SHANK2: variants seen among roughly 807,000 people sequenced by gnomAD.
The protein encoded by SHANK2 is SH3 and multiple ankyrin repeat domains 2, also known as SH3 and multiple ankyrin repeat domains protein 2.
In SHANK2, 43 loss-of-function variants were observed where a neutral mutation model predicts 133.7. The ratio of observed to expected loss-of-function variants is 0.32; its 90% CI spans 0.25 to 0.41. The LOEUF is 0.41. SHANK2 is among the 10% of genes least tolerant of loss of function. The pLI is 1.00. For synonymous variants in SHANK2, 1,017 were observed against 952.8 expected (o/e 1.07, Z -1.24); for missense variants, 1,994 against 2,235.8 (o/e 0.89, Z 2.18).
At chr11:70,713,983 G>A (rs1945855533) in intron 14 of SHANK2, among the ~76,000 whole-genome samples, 1 of 152,148 alleles carries the variant, frequency 6.6e-6, no homozygotes, top group South Asian at 2.1e-4. Flanking sequence ...AACTGCTTTG[G>A]CTCACTCAAC....
chr11:70,598,199 ACGAATGACTGAGGTCATTTGT>A (rs1325160010), intron 17 of SHANK2, among the ~76,000 whole-genome samples: 38 of 152,200 alleles, frequency 2.5e-4, no homozygotes, highest in African/African-American at 6.0e-4. Flanking sequence ...ATGGGGCGGG[ACGAATGACTGAGGTCATTTGT>A]CGAATGACCT....
chr11:71,177,074 A>G (rs1288861135), intron 2 of SHANK2, among the ~76,000 whole-genome samples: 1 of 152,240 alleles, frequency 6.6e-6, no homozygotes, highest in Non-Finnish European at 1.5e-5. Flanking sequence ...TCTTTAAACG[A>G]AAAAAGTCAA....
At chr11:70,919,092 A>C (rs1220680236) in intron 10 of SHANK2, among the ~76,000 whole-genome samples, 4 of 152,142 alleles carry the variant, frequency 2.6e-5, no homozygotes, top group Non-Finnish European at 4.4e-5. Flanking sequence ...GGATCCCAGG[A>C]GATCGAGGCT....
At position 71,182,688 on chromosome 11, in the gene SHANK2, A is replaced by T. The variant is rs77922059; in HGVS notation, c.-12-35350T>A. ...CAACTTGATCATCTGCAAAGTCCCT[A>T]TTTCCAAAGAAGGTCTCATTCTCAG... On this transcript the variant is annotated intron_variant, in intron 2 of 25. Transcript: ENST00000601538. Among the ~76,000 whole-genome samples, 903 of 152,182 alleles carry T rather than the reference A, an allele frequency of 5.9e-3. 11 individuals are homozygous for T. Among genetic ancestry groups the T allele is most frequent in the African/African-American group, 0.021 (863 of 41,496 alleles).
chr11:70,677,739 G>A (rs1483794536), intron 15 of SHANK2, among the ~76,000 whole-genome samples: 2 of 152,182 alleles, frequency 1.3e-5, no homozygotes, highest in Admixed American at 1.3e-4. Flanking sequence ...CCGGAAGCCA[G>A]GCTCCCCCTG....
chr11:71,203,203 T>C (rs1380117518), intron 2 of SHANK2, among the ~76,000 whole-genome samples: 1 of 152,142 alleles, frequency 6.6e-6, no homozygotes, highest in Non-Finnish European at 1.5e-5. Flanking sequence ...GCCCCAATTG[T>C]CTGCTGGAGA....
intron 17 of SHANK2, among the ~76,000 whole-genome samples, chr11:70,580,171 A>C (rs2060165249): frequency 6.6e-6 from 1 of 152,250 alleles, no homozygotes. Flanking sequence ...AAAGCCGTGG[A>C]CATCCACCAG....
intron 2 of SHANK2, among the ~76,000 whole-genome samples, chr11:71,177,682 T>C (rs1192505650): frequency 6.6e-6 from 1 of 152,190 alleles, no homozygotes; most frequent in African/African-American, 2.4e-5. Context: ...AATTTTTCCA[T>C]TAAATGTGAC....
intron 2 of SHANK2, among the ~76,000 whole-genome samples, chr11:71,161,798 C>T (rs72959517): frequency 0.2 from 31,163 of 152,244 alleles, 3,398 homozygotes; most frequent in South Asian, 0.28. Flanking sequence ...ACCTTGGGCA[C>T]ATGTTCTCAG....
chr11:70,904,493 G>C (rs1163379277), intron 10 of SHANK2, among the ~76,000 whole-genome samples: 1 of 146,342 alleles, frequency 6.8e-6, no homozygotes, highest in Non-Finnish European at 1.5e-5. Context: ...GGAGGGACCC[G>C]GTGGGAGATC....
intron 25 of SHANK2, among the ~76,000 whole-genome samples, chr11:70,476,554 C>T (rs2058667395): frequency 1.3e-5 from 2 of 152,004 alleles, no homozygotes; most frequent in Admixed American, 1.3e-4. Context: ...ACAATTAAGC[C>T]AAGATGATTG....
At chr11:70,608,734 C>T (rs1554993292) in intron 17 of SHANK2, among the ~76,000 whole-genome samples, 1 of 152,252 alleles carries the variant, frequency 6.6e-6, no homozygotes, top group Admixed American at 6.5e-5. Flanking sequence ...AACCCATTCA[C>T]AGCCGAAAGC....
intron 10 of SHANK2, among the ~76,000 whole-genome samples, chr11:70,953,474 G>C (rs1312391724): frequency 6.6e-6 from 1 of 152,086 alleles, no homozygotes; most frequent in Non-Finnish European, 1.5e-5. Flanking sequence ...GTCTGTGGTC[G>C]AAGGACCAAG....
intron 21 of SHANK2, among the ~76,000 whole-genome samples, chr11:70,498,047 C>T (rs2058996035): frequency 6.6e-6 from 1 of 152,246 alleles, no homozygotes; most frequent in African/African-American, 2.4e-5. Context: ...CTGCATGGGG[C>T]TGCTCCACCT....
At chr11:71,101,273 C>T (rs951052840) in intron 6 of SHANK2, among the ~76,000 whole-genome samples, 2 of 152,192 alleles carry the variant, frequency 1.3e-5, no homozygotes, top group African/African-American at 2.4e-5. Context: ...CCCTTACCCT[C>T]GCCACTCCCT....
At chr11:70,893,704 A>G (rs567189822) in intron 11 of SHANK2, among the ~76,000 whole-genome samples, 1 of 152,344 alleles carries the variant, frequency 6.6e-6, no homozygotes, top group South Asian at 2.1e-4. Flanking sequence ...ATGGGCAAGT[A>G]TAGATTTTCT....
rs782556547 is a variant in SHANK2 at position 70,798,489 on chromosome 11, C to T, written c.1731G>A (p.Ala577=). 48 of 718,456 alleles carry T rather than the reference C, an allele frequency of 6.7e-5. No individual in the cohort carries two copies. Among genetic ancestry groups the T allele is most frequent in the Admixed American group, 4.8e-4 (24 of 50,002 alleles). The allele number at this position is 718,456 out of a possible 1,614,324, so 44.5% of individuals were successfully genotyped here. A position where few individuals can be genotyped will look rare whatever the true frequency, so the allele number is the denominator to read the frequency against. The change falls in exon 14 of 26, where the codon GCG becomes GCA. Residue 577 remains alanine (A), a synonymous_variant. Transcript: ENST00000601538. ...TACACTGGACCTCCTCCACGCACTC[C>T]GCCGGAAACCATCCGATGTGGCCGC... is the stretch of plus-strand genomic sequence containing the variant. ...SARGHIGWFP[A]ECVEEVQCKP... is the part of the protein sequence containing the mutation.
At chr11:71,213,219 C>T (rs1954322247) in intron 2 of SHANK2, among the ~76,000 whole-genome samples, 1 of 152,094 alleles carries the variant, frequency 6.6e-6, no homozygotes, top group South Asian at 2.1e-4. Flanking sequence ...AGGGGCCAGG[C>T]ACAGGGAGGC....
intron 17 of SHANK2, among the ~76,000 whole-genome samples, chr11:70,632,283 G>A (rs1419672874): frequency 3.3e-5 from 5 of 151,914 alleles, no homozygotes; most frequent in Admixed American, 1.3e-4. Flanking sequence ...CATCACGCCC[G>A]GCTAATTTTT....
Sources: gnomAD v4.1 joint callset for allele counts (sites outside exome capture counted in the v4.1 genomes callset) on GRCh38, gnomAD v4.1.1 for gene constraint, MANE v1.5 for transcripts, NCBI Gene and HGNC (gene_info 2026-07-23, HGNC 2026-07-21) for gene names.